Variants in DEPDC5 observed in about 807,000 individuals in gnomAD.
The protein encoded by DEPDC5 is DEP domain containing 5, GATOR1 subcomplex subunit.
In DEPDC5, 73 loss-of-function variants were observed where a neutral mutation model predicts 217.3. The ratio of observed to expected loss-of-function variants is 0.34; its 90% confidence interval spans 0.28 to 0.41. The LOEUF (loss-of-function observed/expected upper bound fraction) is 0.41, where lower values mean the gene tolerates loss of function less well. DEPDC5 is among the 10% of genes least tolerant of loss of function. The probability of loss-of-function intolerance (pLI) is 1.00; values close to 1 mark genes in which losing one functional copy is unlikely to be tolerated. For missense variants in DEPDC5, 1,675 were observed against 2,070.1 expected, an observed-to-expected ratio of 0.81 and a Z score of 3.70; for synonymous variants, 733 against 756.7, an observed-to-expected ratio of 0.97 and a Z score of 0.51.
rs547590239 is a variant in DEPDC5 at position 31,881,261 on chromosome 22, C to A, written c.4033+1509C>A. On this transcript the variant is annotated intron_variant, in intron 38 of 42. Coordinates refer to ENST00000651528, the MANE Select transcript of DEPDC5 (RefSeq NM_001242896.3). ...AGGTTGCAGTGAGCTGAGATCGCCC[C>A]ATTGTACTCTAGAGCGAGACTCCAT... 1.2e-4 allele frequency among the ~76,000 whole-genome samples: 18 copies of A among 147,796 alleles called. No individual in the cohort carries two copies. In the South Asian group the frequency reaches 3.6e-3, roughly 30 times the overall value.
intron 31 of DEPDC5, chr22:31,852,993 G>A (rs1434161077): frequency 6.6e-6 from 1 of 152,404 alleles, no homozygotes; most frequent in Non-Finnish European, 1.5e-5. Context: ...GGTGCCTACG[G>A]TGAGGGGACA....
intron 35 of DEPDC5, 57 bp downstream of exon 35, chr22:31,873,389 C>A: frequency 6.4e-7 from 1 of 1,572,400 alleles, no homozygotes; most frequent in Non-Finnish European, 8.7e-7. Flanking sequence ...GTGCCACAGC[C>A]ATGTTTAGGC....
intron 38 of DEPDC5, among the ~76,000 whole-genome samples, chr22:31,893,015 A>G (rs2093473798): frequency 6.6e-6 from 1 of 151,692 alleles, no homozygotes; most frequent in South Asian, 2.1e-4. Flanking sequence ...AGTTGAGACT[A>G]CAGGTGTGCA....
chr22:31,897,690 G>T (rs1428976646), intron 40 of DEPDC5, 37 bp downstream of exon 40: 1 of 1,606,142 alleles, frequency 6.2e-7, no homozygotes, highest in South Asian at 1.1e-5. Context: ...GTCTCAACCA[G>T]TAAGACCCCG....
In DEPDC5 at chr22:31,806,164, C is replaced by T; in HGVS notation, c.1260C>T (p.Thr420=). 1.9e-6 allele frequency: 3 copies of T among 1,613,910 alleles called. No individual in the cohort carries two copies. Among genetic ancestry groups the T allele is most frequent in the Non-Finnish European group, 2.5e-6 (3 of 1,179,924 alleles). Residue 420 remains threonine (T), a synonymous_variant, in exon 18 of 43, where the codon ACC becomes ACT. Coordinates refer to ENST00000651528, the MANE Select transcript of DEPDC5 (RefSeq NM_001242896.3). ...GCCAGCTCTTTTGTAATAGTTTCAC[C>T]CCACGAATAAAACTGGCAGGAAAGA... is the stretch of plus-strand genomic sequence containing the variant. ...SKSQLFCNSF[T]PRIKLAGKKP... is the part of the protein sequence containing the mutation.
At chr22:31,820,858 A>G (rs1000100429) in intron 22 of DEPDC5, among the ~76,000 whole-genome samples, 5 of 151,976 alleles carry the variant, frequency 3.3e-5, no homozygotes, top group Non-Finnish European at 7.4e-5. Flanking sequence ...CCTCATTCCT[A>G]TCCTCAGAGG....
chr22:31,763,935 G>A (rs2082609572), intron 4 of DEPDC5, among the ~76,000 whole-genome samples: 1 of 151,790 alleles, frequency 6.6e-6, no homozygotes, highest in Non-Finnish European at 1.5e-5. Context: ...GTTATGTTAT[G>A]TTATGTTATT....
chr22:31,801,742 C>T (rs1190912326), intron 14 of DEPDC5, among the ~76,000 whole-genome samples: 1 of 152,140 alleles, frequency 6.6e-6, no homozygotes. Context: ...GTTAGGTGTC[C>T]ATCTGCCACT....
chr22:31,888,625 C>T (rs1037956174), intron 38 of DEPDC5, among the ~76,000 whole-genome samples: 1 of 152,182 alleles, frequency 6.6e-6, no homozygotes, highest in Non-Finnish European at 1.5e-5. Context: ...TCCTAGCTTG[C>T]TGCAGCGTCA....
chr22:31,785,490 C>G (rs1032992511), intron 10 of DEPDC5, among the ~76,000 whole-genome samples: 1 of 152,012 alleles, frequency 6.6e-6, no homozygotes, highest in Non-Finnish European at 1.5e-5. Flanking sequence ...AGTAAGATAA[C>G]CTGTGTTCAC....
chr22:31,802,933 G>A, intron 15 of DEPDC5, 95 bp downstream of exon 15: 1 of 1,415,552 alleles, frequency 7.1e-7, no homozygotes. Flanking sequence ...AGTGTGAGGA[G>A]CTCTACATAG....
chr22:31,819,249 G>C (rs371417916), intron 22 of DEPDC5, 24 bp downstream of exon 22: 12 of 1,613,196 alleles, frequency 7.4e-6, no homozygotes, highest in Admixed American at 1.7e-5. Context: ...TTAAGAGAGA[G>C]CCTTGGACTA....
Position 31,862,307 on chromosome 22 carries a change from G to A in DEPDC5, c.3330+874G>A, listed in dbSNP as rs553021154. Among the ~76,000 whole-genome samples, 15 of 152,294 alleles carry A rather than the reference G, an allele frequency of 9.8e-5. No homozygotes were observed. The East Asian group carries it at 2.9e-3, about 29-fold the overall frequency. On this transcript the variant is annotated intron_variant, in intron 33 of 42. Coordinates refer to ENST00000651528, the MANE Select transcript of DEPDC5 (RefSeq NM_001242896.3). ...AGGCCAGGCACAGTGGCTCACGCCT[G>A]TAATCCTAGCACTTTGGGAGGCCAA...
chr22:31,798,475 GCTGCTCC>G, intron 13 of DEPDC5, 100 bp from the exon 14 acceptor site: 1 of 886,884 alleles, frequency 1.1e-6, no homozygotes, highest in East Asian at 3.7e-5. Flanking sequence ...CCAAGATTGT[GCTGCTCC>G]ACTCCAGCCT....
At chr22:31,835,699 CT>C (rs2090942554) in intron 25 of DEPDC5, among the ~76,000 whole-genome samples, 1 of 152,212 alleles carries the variant, frequency 6.6e-6, no homozygotes, top group South Asian at 2.1e-4. Flanking sequence ...ACCTTCTCGG[CT>C]GCCATATAGA....
At chr22:31,811,034 C>A (rs767362075) in intron 20 of DEPDC5, among the ~76,000 whole-genome samples, 2 of 152,072 alleles carry the variant, frequency 1.3e-5, no homozygotes, top group African/African-American at 4.8e-5. Flanking sequence ...CTCGACCTCC[C>A]AAAATGCTAG....
chr22:31,784,947 T>C (rs1410342980), intron 10 of DEPDC5, 72 bp downstream of exon 10: 3 of 1,399,794 alleles, frequency 2.1e-6, no homozygotes, highest in Admixed American at 1.9e-5. Flanking sequence ...ATGCACTGTT[T>C]TTATTAAATT....
intron 26 of DEPDC5, among the ~76,000 whole-genome samples, chr22:31,837,768 C>T (rs1317597856): frequency 6.6e-6 from 1 of 152,032 alleles, no homozygotes; most frequent in African/African-American, 2.4e-5. Context: ...GTGGTGCAGT[C>T]TCATCTCACT....
intron 8 of DEPDC5, among the ~76,000 whole-genome samples, chr22:31,782,695 A>G (rs2084575508): frequency 6.6e-6 from 1 of 152,134 alleles, no homozygotes; most frequent in Non-Finnish European, 1.5e-5. Flanking sequence ...CCGTAATGAG[A>G]TTTCCATAAC....
Sources: allele counts gnomAD v4.1 joint callset (sites outside exome capture counted in the v4.1 genomes callset), GRCh38; gene constraint gnomAD v4.1.1; transcripts MANE v1.5; gene names NCBI Gene and HGNC (gene_info 2026-07-23, HGNC 2026-07-21).